The following DMPK variants were observed in gnomAD, a reference collection of about 807,000 sequenced individuals.
DMPK encodes the protein myotonin-protein kinase.
A neutral mutation model predicts 70.3 loss-of-function variants in DMPK; 32 were observed. The observed-to-expected ratio is 0.46, with a 90% CI of 0.34 to 0.61. DMPK has a LOEUF of 0.61. Among genes scored for constraint, DMPK ranks in the 20% least tolerant of loss-of-function variants. DMPK has a pLI of 0.01. For synonymous variants in DMPK, 469 were observed against 390.9 expected (o/e 1.20, Z -2.36); for missense variants, 899 against 886.0 (o/e 1.01, Z -0.19).
chr19:45,771,068 G>A lies in DMPK; in HGVS notation c.1648-8C>T, dbSNP rs572223097. The stretch of plus-strand genomic sequence containing the variant: ...GGCCGGGGGGCCATCTAGCTGGAGA[G>A]AGAAGGGACAGGTGACCCGATCGGA... On this transcript the variant is annotated splice_region_variant and splice_polypyrimidine_tract_variant and intron_variant, in intron 13 of 14. Coordinates refer to ENST00000291270, the MANE Select transcript of DMPK (RefSeq NM_004409.5). The A allele has an allele frequency of 1.2e-5, 19 of 1,527,564 alleles. No homozygotes were observed. Among genetic ancestry groups the A allele is most frequent in the Non-Finnish European group, 1.7e-5 (19 of 1,137,740 alleles). 94.6% of individuals were successfully genotyped at this position (1,527,564 alleles called of 1,614,324 possible).
At position 45,777,664 on chromosome 19, in the gene DMPK, C is replaced by T; in HGVS notation, c.882+3G>A. On this transcript the variant is annotated splice_donor_region_variant and intron_variant, in intron 7 of 14. Transcript: ENST00000291270. The surrounding 1 kb of genome is among the most constrained non-coding windows in gnomAD (Gnocchi z 6.7). ...GGCCAGGTCTCCCTGCGGCCGTGCTCACCTTGTAGTGGACGATCTTGCCAT... is the reference window on the plus strand; with the variant it reads ...GGCCAGGTCTCCCTGCGGCCGTGCTTACCTTGTAGTGGACGATCTTGCCAT... 6.2e-7 allele frequency: 1 copy of T among 1,613,960 alleles called. No homozygotes were observed. Among genetic ancestry groups the T allele is most frequent in the Non-Finnish European group, 8.5e-7 (1 of 1,180,020 alleles).
At chr19:45,775,076 G>C (rs1347354147) in intron 8 of DMPK, 42 bp from the exon 9 acceptor site, 1 of 1,516,464 alleles carries the variant, frequency 6.6e-7, no homozygotes, top group South Asian at 1.2e-5. Context: ...CGTCAGGGCG[G>C]GCCCCTCACT....
At chr19:45,780,417 C>T (rs1310029153) in intron 1 of DMPK, 19 of 1,369,792 alleles carry the variant, frequency 1.4e-5, no homozygotes, top group Non-Finnish European at 1.6e-5. Flanking sequence ...ACAAAGGTAG[C>T]ATGGTCACAT....
chr19:45,770,346 GC>G lies in DMPK; in HGVS notation c.*141del. 1 of 1,205,320 alleles carries G rather than the reference GC, an allele frequency of 8.3e-7. No homozygotes were observed. The highest frequency in any genetic ancestry group is 1.3e-5 in the South Asian group (1 of 74,766). The allele number at this position is 1,205,320 out of a possible 1,614,324, so 74.7% of individuals were successfully genotyped here. A position where few individuals can be genotyped will look rare whatever the true frequency, so the allele number is the denominator to read the frequency against. On this transcript the variant is annotated 3_prime_UTR_variant, in exon 15 of 15. Coordinates refer to ENST00000291270, the MANE Select transcript of DMPK (RefSeq NM_004409.5). ...TCCCTCCCCGGCCGCTAGGGGGCGG[GC>G]CCGGATCACAGGACTGGAGCTGGGC...
In DMPK at chr19:45,771,612, T is replaced by A. The variant is rs1449068907; in HGVS notation, c.1556A>T (p.Gln519Leu). Residue 519 changes from glutamine (Q) to leucine (L), a missense_variant, in exon 12 of 15, where the codon CAG becomes CTG. Gln to Leu is a moderately radical substitution (Grantham distance 113). Transcript: ENST00000291270. Reference sequence around the variant, plus strand: ...CAGCAACTCCATCCGCTCCTGCAACTGCCGGACGTGTGCCTCTAGGTCCCG... The same window carrying A: ...CAGCAACTCCATCCGCTCCTGCAACAGCCGGACGTGTGCCTCTAGGTCCCG... ...RNRDLEAHVR[Q>L]LQERMELLQA... 5 of 1,613,906 alleles carry A rather than the reference T, an allele frequency of 3.1e-6. No individual in the cohort carries two copies. Among genetic ancestry groups the A allele is most frequent in the Admixed American group, 1.7e-5 (1 of 60,004 alleles).
At position 45,779,442 on chromosome 19, in the gene DMPK, G is replaced by A. The variant is rs1022657380; in HGVS notation, c.333C>T (p.Gly111=). The change falls in exon 3 of 15, where the codon GGC becomes GGT. Residue 111 remains glycine (G), a synonymous_variant. Coordinates refer to ENST00000291270, the MANE Select transcript of DMPK (RefSeq NM_004409.5). ...IMNKWDMLKR[G]EVSCFREERD... ...CCACGTCCGCCCAGCCCCTCACCTC[G>A]CCCCTCTTCAGCATGTCCCACTTGT... 95 of 1,613,618 alleles carry A rather than the reference G, an allele frequency of 5.9e-5. No individual in the cohort carries two copies. Among genetic ancestry groups the A allele is most frequent in the Non-Finnish European group, 7.6e-5 (90 of 1,179,980 alleles).
In DMPK at chr19:45,778,226, C is replaced by A; in HGVS notation, c.582-6G>T. The A allele has an allele frequency of 1.2e-6, 2 of 1,611,772 alleles. No homozygotes were observed. Among genetic ancestry groups the A allele is most frequent in the Non-Finnish European group, 1.7e-6 (2 of 1,178,632 alleles). On this transcript the variant is annotated splice_polypyrimidine_tract_variant and splice_region_variant and intron_variant, in intron 5 of 14. Coordinates refer to ENST00000291270, the MANE Select transcript of DMPK (RefSeq NM_004409.5). ...TGTTGTCGGGTTTGATGTCCCTGCACGGAGGAAAAGAGAAGGGTGGGATAA... is the reference window on the plus strand; with the variant it reads ...TGTTGTCGGGTTTGATGTCCCTGCAAGGAGGAAAAGAGAAGGGTGGGATAA...
chr19:45,770,264 G>GCAT lies in DMPK; in HGVS notation c.*221_*223dup, dbSNP rs1969294324. ...AGCAGCAGCAGCAGCAGCAGCAGCAGCATTCCCGGCTACAAGGACCCTTCG... is the reference window on the plus strand; with the variant it reads ...AGCAGCAGCAGCAGCAGCAGCAGCAGCATCATTCCCGGCTACAAGGACCCTTCG... On this transcript the variant is annotated 3_prime_UTR_variant, in exon 15 of 15. Transcript: ENST00000291270. 9.9e-6 allele frequency: 8 copies of GCAT among 811,236 alleles called. No homozygotes were observed. The highest frequency in any genetic ancestry group is 2.2e-5 in the Admixed American group (1 of 46,352). The allele number at this position is 811,236 out of a possible 1,614,324, so 50.3% of individuals were successfully genotyped here. A position where few individuals can be genotyped will look rare whatever the true frequency, so the allele number is the denominator to read the frequency against.
At position 45,779,850 on chromosome 19, in the gene DMPK, C is replaced by T. The variant is rs768362613; in HGVS notation, c.180G>A (p.Arg60=). The T allele has an allele frequency of 6.2e-7, 1 of 1,611,866 alleles. No homozygotes were observed. The highest frequency in any genetic ancestry group is 8.5e-7 in the Non-Finnish European group (1 of 1,178,982). Residue 60 remains arginine (R), a synonymous_variant, in exon 2 of 15, where the codon AGG becomes AGA. Transcript: ENST00000291270. ...CCCTCTGCAGTCGGACCTCCTTAAG[C>T]CTCACCACGATGGGCTCCGCTGGGG... The part of the protein sequence containing the change: ...FLQWAEPIVV[R]LKEVRLQRDD...
rs1235048727 is a variant in DMPK, at chr19:45,777,905, C to T, written c.676-32G>A. On this transcript the variant is annotated intron_variant, in intron 6 of 14. Transcript: ENST00000291270. The surrounding 1 kb of genome is among the most constrained non-coding windows in gnomAD (Gnocchi z 6.7). ...CAAAAGGAGCAGAGCGAGGCTTGGGCCCACCCCTCTGGGCCCACCAGCTCT... is the reference window on the plus strand; with the variant it reads ...CAAAAGGAGCAGAGCGAGGCTTGGGTCCACCCCTCTGGGCCCACCAGCTCT... 6.3e-7 allele frequency: 1 copy of T among 1,579,434 alleles called. No individual in the cohort carries two copies. Among genetic ancestry groups the T allele is most frequent in the Admixed American group, 1.7e-5 (1 of 58,604 alleles).
chr19:45,778,747 C>A lies in DMPK; in HGVS notation c.433-106G>T, dbSNP rs1403823654. The A allele has an allele frequency of 2.8e-5, 34 of 1,205,832 alleles. No individual in the cohort carries two copies. The Admixed American group carries it at 6.1e-4, about 22-fold the overall frequency. The allele number at this position is 1,205,832 out of a possible 1,614,324, so 74.7% of individuals were successfully genotyped here. A position where few individuals can be genotyped will look rare whatever the true frequency, so the allele number is the denominator to read the frequency against. Reference sequence around the variant, plus strand: ...GAGACACCCCATCCTTGGGCAGAGACCTGCAGCCCCAGCCCAGAGATAACC... The same window carrying A: ...GAGACACCCCATCCTTGGGCAGAGAACTGCAGCCCCAGCCCAGAGATAACC... On this transcript the variant is annotated intron_variant, in intron 4 of 14. Transcript: ENST00000291270.
intron 2 of DMPK, 43 bp from the exon 3 acceptor site, chr19:45,779,565 C>G (rs1001347018): frequency 1.2e-6 from 2 of 1,611,120 alleles, no homozygotes; most frequent in Non-Finnish European, 8.5e-7. Flanking sequence ...GGCGGGAAAA[C>G]AAAAGGGCTC....
chr19:45,778,731 C>A (rs1414700827), intron 4 of DMPK, 90 bp from the exon 5 acceptor site: 11 of 1,374,476 alleles, frequency 8.0e-6, no homozygotes, highest in African/African-American at 1.4e-5. Context: ...AGAGACACCC[C>A]ATCCTTGGGC....
chr19:45,780,906 A>AAAAGGAGTG (rs1454794789), intron 1 of DMPK, among the ~76,000 whole-genome samples: 1 of 151,946 alleles, frequency 6.6e-6, no homozygotes, highest in Admixed American at 6.6e-5. Context: ...CTCGGGCCAC[A>AAAAGGAGTG]AAAGGAGTGC....
rs1242136028 is a variant in DMPK at position 45,779,372 on chromosome 19, C to T, written c.337-13G>A. The stretch of plus-strand genomic sequence containing the variant: ...GGAAGCACGACACCTGCAGGGCACC[C>T]GGAGGAGCTGCAGCCGGAGACGGGG... On this transcript the variant is annotated splice_polypyrimidine_tract_variant and intron_variant, in intron 3 of 14. Coordinates refer to ENST00000291270, the MANE Select transcript of DMPK (RefSeq NM_004409.5). 2 of 1,613,944 alleles carry T rather than the reference C, an allele frequency of 1.2e-6. No individual in the cohort carries two copies. Among genetic ancestry groups the T allele is most frequent in the African/African-American group, 1.3e-5 (1 of 74,912 alleles).
chr19:45,770,264 G>GCAGCAT lies in DMPK; in HGVS notation c.*223_*224insATGCTG, dbSNP rs1372172399. The GCAGCAT allele has an allele frequency of 1.4e-4, 113 of 811,158 alleles. 15 individuals are homozygous for GCAGCAT. Among genetic ancestry groups the GCAGCAT allele is most frequent in the Non-Finnish European group, 2.0e-4 (102 of 504,050 alleles). 50.2% of individuals were successfully genotyped at this position (811,158 alleles called of 1,614,324 possible). On this transcript the variant is annotated 3_prime_UTR_variant, in exon 15 of 15. Coordinates refer to ENST00000291270, the MANE Select transcript of DMPK (RefSeq NM_004409.5). ...AGCAGCAGCAGCAGCAGCAGCAGCA[G>GCAGCAT]CATTCCCGGCTACAAGGACCCTTCG...
At position 45,770,095 on chromosome 19, in the gene DMPK, G is replaced by T. The variant is rs1239257937; in HGVS notation, c.*393C>A. The T allele has an allele frequency of 1.8e-5, 10 of 559,186 alleles. No individual in the cohort carries two copies. The highest frequency in any genetic ancestry group is 2.6e-5 in the Non-Finnish European group (8 of 306,422). 34.6% of individuals were successfully genotyped at this position (559,186 alleles called of 1,614,324 possible). ...GAACCAACGATAGGTGGGGGTGCGT[G>T]GAGGATGGAACACGGACGGCCCGGC... On this transcript the variant is annotated 3_prime_UTR_variant, in exon 15 of 15. Transcript: ENST00000291270.
Position 45,777,117 on chromosome 19 carries a change from G to A in DMPK, c.1146+210C>T. The A allele has an allele frequency of 3.0e-6, 2 of 669,730 alleles. No individual in the cohort carries two copies. Among genetic ancestry groups the A allele is most frequent in the Admixed American group, 3.4e-5 (1 of 29,162 alleles). 41.5% of individuals were successfully genotyped at this position (669,730 alleles called of 1,614,324 possible). A position where few individuals can be genotyped will look rare whatever the true frequency, so the allele number is the denominator to read the frequency against. On this transcript the variant is annotated intron_variant, in intron 8 of 14. Coordinates refer to ENST00000291270, the MANE Select transcript of DMPK (RefSeq NM_004409.5). This position sits in a 1 kb window ranked among gnomAD's most constrained non-coding sequence, Gnocchi z 6.7. ...CATTGTCTCAGCCCTGATCACTCTG[G>A]GGCCTTACTGTCTGAAGACTGCTCT...
intron 1 of DMPK, chr19:45,780,723 A>C: frequency 1.5e-6 from 1 of 648,012 alleles, no homozygotes; most frequent in Non-Finnish European, 1.9e-6. Flanking sequence ...GTTCTGGAGG[A>C]AAGAGAGGGG....
Sources: allele counts gnomAD v4.1 joint callset (sites outside exome capture counted in the v4.1 genomes callset), GRCh38; gene constraint gnomAD v4.1.1; non-coding constraint Gnocchi (gnomAD v3.1); transcripts MANE v1.5; gene names NCBI Gene and HGNC (gene_info 2026-07-23, HGNC 2026-07-21).